Variants in PIAS2 observed in about 807,000 individuals in gnomAD.
PIAS2 encodes protein inhibitor of activated STAT 2.
A neutral mutation model predicts 69.7 loss-of-function variants in PIAS2; 19 were observed. The observed-to-expected ratio is 0.27, with a 90% CI of 0.19 to 0.40. The LOEUF (loss-of-function observed/expected upper bound fraction) is 0.40. Among genes scored for constraint, PIAS2 ranks in the 10% least tolerant of loss-of-function variants. The pLI, the probability that PIAS2 is intolerant of heterozygous loss-of-function variation, is 1.00. For missense variants in PIAS2, 624 were observed against 757.0 expected, an observed-to-expected ratio of 0.82 and a Z score of 2.06; for synonymous variants, 261 against 263.2, an observed-to-expected ratio of 0.99 and a Z score of 0.08.
At position 46,906,607 on chromosome 18, in the gene PIAS2, A is replaced by G. The variant is rs530679717; in HGVS notation, c.24+10715T>C. ...CAAAATATTTGCAATACTTTAACTG[A>G]AAATAACAAAACTTTATTGAAAGAT... On this transcript the variant is annotated intron_variant, in intron 1 of 13. Transcript: ENST00000585916. Among the ~76,000 whole-genome samples the G allele has an allele frequency of 1.1e-4, 17 of 152,316 alleles. No homozygotes were observed. In the South Asian group the frequency reaches 3.1e-3, roughly 28 times the overall value.
At chr18:46,833,547 G>A (rs2043988620) in intron 9 of PIAS2, among the ~76,000 whole-genome samples, 1 of 152,136 alleles carries the variant, frequency 6.6e-6, no homozygotes, top group South Asian at 2.1e-4. Flanking sequence ...TACTTCATAA[G>A]AGGTTTATTT....
intron 2 of PIAS2, among the ~76,000 whole-genome samples, chr18:46,883,102 G>GAA (rs369493732): frequency 3.8e-5 from 3 of 79,386 alleles, no homozygotes; most frequent in Admixed American, 1.3e-4. Flanking sequence ...CGTCTCAAAA[G>GAA]AAAAAAAAAA....
intron 12 of PIAS2, among the ~76,000 whole-genome samples, chr18:46,819,542 G>A (rs926104422): frequency 6.6e-6 from 1 of 151,908 alleles, no homozygotes; most frequent in Non-Finnish European, 1.5e-5. Context: ...AATTTCAAGT[G>A]GCAAAATTAT....
At chr18:46,908,391 A>C (rs2146263674) in intron 1 of PIAS2, among the ~76,000 whole-genome samples, 1 of 152,304 alleles carries the variant, frequency 6.6e-6, no homozygotes, top group South Asian at 2.1e-4. Flanking sequence ...CAGATGAGTG[A>C]TGGCATCCAA....
chr18:46,828,152 GA>G (rs769164314), intron 10 of PIAS2, 22 bp from the exon 11 acceptor site: 96 of 1,556,398 alleles, frequency 6.2e-5, no homozygotes, highest in South Asian at 3.6e-4. Context: ...GAAACAAAAG[GA>G]AAAAAAAATT....
At chr18:46,830,727 T>TA (rs1292792434) in intron 9 of PIAS2, among the ~76,000 whole-genome samples, 1 of 152,294 alleles carries the variant, frequency 6.6e-6, no homozygotes, top group East Asian at 1.9e-4. Flanking sequence ...GTCTATTAAA[T>TA]AAGTTGGATC....
At chr18:46,872,700 T>C (rs1175526932) in intron 2 of PIAS2, among the ~76,000 whole-genome samples, 1 of 152,056 alleles carries the variant, frequency 6.6e-6, no homozygotes. Flanking sequence ...CCCGAACGGG[T>C]CAAAGGAATC....
At chr18:46,822,941 T>C (rs2042339222) in intron 11 of PIAS2, among the ~76,000 whole-genome samples, 2 of 151,972 alleles carry the variant, frequency 1.3e-5, no homozygotes, top group Admixed American at 1.3e-4. Context: ...AGTTTCTACT[T>C]AAGAGTACAT....
intron 1 of PIAS2, chr18:46,901,097 C>T: frequency 2.7e-6 from 1 of 369,072 alleles, no homozygotes; most frequent in Middle Eastern, 6.1e-4. Flanking sequence ...TACCATGATA[C>T]CAAAACAAAA....
rs77596153 is a variant in PIAS2, at chr18:46,845,635, A to T, written c.862-796T>A. 6.0e-4 allele frequency among the ~76,000 whole-genome samples: 92 copies of T among 152,224 alleles called. 1 individual carries two copies. In the East Asian group the frequency reaches 0.015, roughly 26 times the overall value. Reference sequence around the variant, plus strand: ...AATATAATTTCACATAAATGTTAAAAAAAAAAAACCTATCTTCCCATTTTA... The same window carrying T: ...AATATAATTTCACATAAATGTTAAATAAAAAAAACCTATCTTCCCATTTTA... On this transcript the variant is annotated intron_variant, in intron 6 of 13. Coordinates refer to ENST00000585916, the MANE Select transcript of PIAS2 (RefSeq NM_004671.5).
intron 1 of PIAS2, among the ~76,000 whole-genome samples, chr18:46,906,479 T>C (rs559329429): frequency 6.6e-6 from 1 of 152,268 alleles, no homozygotes; most frequent in African/African-American, 2.4e-5. Flanking sequence ...AGCAAGGTTA[T>C]TATACAAAGT....
intron 12 of PIAS2, chr18:46,817,659 T>C: frequency 2.1e-6 from 2 of 964,670 alleles, no homozygotes; most frequent in Non-Finnish European, 2.5e-6. Context: ...TTCTAAAATA[T>C]TGGTTGGAAT....
At chr18:46,864,573 C>T (rs559048210) in intron 2 of PIAS2, among the ~76,000 whole-genome samples, 1 of 152,120 alleles carries the variant, frequency 6.6e-6, no homozygotes, top group South Asian at 2.1e-4. Context: ...AAGTTCGAGA[C>T]CAGCCTGACC....
At chr18:46,885,189 C>T (rs2052949346) in intron 2 of PIAS2, among the ~76,000 whole-genome samples, 1 of 151,988 alleles carries the variant, frequency 6.6e-6, no homozygotes, top group South Asian at 2.1e-4. Flanking sequence ...CCCCAAGCTG[C>T]AAAACAATAT....
At position 46,908,951 on chromosome 18, in the gene PIAS2, G is replaced by GT. The variant is rs771410859; in HGVS notation, c.24+8370dup. 1.1e-4 allele frequency among the ~76,000 whole-genome samples: 16 copies of GT among 152,304 alleles called. No homozygotes were observed. The East Asian group carries it at 1.9e-3, about 18-fold the overall frequency. ...TTGAACCTTGGGGGTGGAGGGTGCA[G>GT]TAAACTGAGATCACGCCACTGCACT... is the stretch of plus-strand genomic sequence containing the variant. On this transcript the variant is annotated intron_variant, in intron 1 of 13. Coordinates refer to ENST00000585916, the MANE Select transcript of PIAS2 (RefSeq NM_004671.5).
intron 2 of PIAS2, among the ~76,000 whole-genome samples, chr18:46,885,342 C>A (rs1239264648): frequency 1.3e-5 from 2 of 151,812 alleles, no homozygotes; most frequent in African/African-American, 4.8e-5. Context: ...CATAGTGAAA[C>A]CCCGTCTCTA....
intron 3 of PIAS2, among the ~76,000 whole-genome samples, chr18:46,863,902 A>G (rs2049034678): frequency 6.6e-6 from 1 of 152,200 alleles, no homozygotes; most frequent in Non-Finnish European, 1.5e-5. Context: ...CCAATCCAAT[A>G]TGACAGTGTC....
chr18:46,876,809 G>A (rs577565229), intron 2 of PIAS2, among the ~76,000 whole-genome samples: 14 of 150,902 alleles, frequency 9.3e-5, no homozygotes, highest in East Asian at 2.0e-4. Flanking sequence ...CCATTCTCCC[G>A]CCTCAGCCTC....
At chr18:46,880,202 C>G (rs986256115) in intron 2 of PIAS2, among the ~76,000 whole-genome samples, 11 of 151,844 alleles carry the variant, frequency 7.2e-5, no homozygotes, top group African/African-American at 2.7e-4. Flanking sequence ...TCCTGACCAG[C>G]CTAGGGAAGA....
Sources: allele counts gnomAD v4.1 joint callset (sites outside exome capture counted in the v4.1 genomes callset), GRCh38; gene constraint gnomAD v4.1.1; transcripts MANE v1.5; gene names NCBI Gene and HGNC (gene_info 2026-07-23, HGNC 2026-07-21).